ABCC1: variants seen among roughly 807,000 people sequenced by gnomAD.
ABCC1 encodes multidrug resistance-associated protein 1.
Under a neutral mutation model 172.9 loss-of-function variants are expected in ABCC1, and 83 were observed. The observed-to-expected ratio is 0.48, with a 90% confidence interval of 0.40 to 0.58. The LOEUF is 0.58. ABCC1 is among the 20% of genes least tolerant of loss of function. ABCC1 has a pLI of 0.00. For missense variants in ABCC1, 1,817 were observed against 2,002.7 expected (o/e 0.91, Z 1.77); for synonymous variants, 937 against 825.2 (o/e 1.14, Z -2.32).
intron 1 of ABCC1, among the ~76,000 whole-genome samples, chr16:15,958,758 A>C (rs144604036): frequency 1.3e-5 from 2 of 152,290 alleles, no homozygotes; most frequent in African/African-American, 4.8e-5. Flanking sequence ...GGGGACCTGC[A>C]CTTACCTCTT....
chr16:16,066,401 G>C (rs1257510228), intron 12 of ABCC1, among the ~76,000 whole-genome samples: 1 of 151,442 alleles, frequency 6.6e-6, no homozygotes, highest in Non-Finnish European at 1.5e-5. Context: ...GGCTGGTCTG[G>C]AACTCCCGAC....
At chr16:16,105,376 C>G (rs2052034610) in intron 20 of ABCC1, 1 of 152,358 alleles carries the variant, frequency 6.6e-6, no homozygotes, top group Non-Finnish European at 1.5e-5. Context: ...CTGCCACTCC[C>G]TGAAAACTCA....
intron 1 of ABCC1, among the ~76,000 whole-genome samples, chr16:15,977,540 C>A (rs1179275166): frequency 6.6e-6 from 1 of 151,808 alleles, no homozygotes; most frequent in African/African-American, 2.4e-5. Context: ...CCAGCTTATA[C>A]CCCCTAAGCT....
intron 23 of ABCC1, among the ~76,000 whole-genome samples, chr16:16,116,937 A>G (rs76619661): frequency 0.026 from 3,983 of 152,216 alleles, 182 homozygotes; most frequent in African/African-American, 0.089. Flanking sequence ...GATAACCGAT[A>G]TGGCTATTAA....
At chr16:15,991,468 G>A (rs1350659652) in intron 1 of ABCC1, among the ~76,000 whole-genome samples, 1 of 152,170 alleles carries the variant, frequency 6.6e-6, no homozygotes, top group Admixed American at 6.5e-5. Context: ...TCAGGGTTGA[G>A]TGAAGTTCCG....
chr16:16,079,914 A>G (rs977685723), intron 16 of ABCC1, among the ~76,000 whole-genome samples: 13 of 151,806 alleles, frequency 8.6e-5, no homozygotes, highest in African/African-American at 3.1e-4. Context: ...CCTGGGTCCA[A>G]GCGATTCTCC....
chr16:15,991,478 G>T lies in ABCC1; in HGVS notation c.49-16338G>T, dbSNP rs45517534. On this transcript the variant is annotated intron_variant, in intron 1 of 30. Transcript: ENST00000399410. The stretch of plus-strand genomic sequence containing the variant: ...CGAGCTCAGGGTTGAGTGAAGTTCC[G>T]CAAGGATGGCACCTCTCGGCTCTTC... 5.1e-3 allele frequency among the ~76,000 whole-genome samples: 783 copies of T among 152,224 alleles called. 5 individuals are homozygous for T. The highest frequency in any genetic ancestry group is 6.8e-3 in the Non-Finnish European group (465 of 68,018).
At chr16:16,127,387 A>G (rs1299117032) in intron 26 of ABCC1, among the ~76,000 whole-genome samples, 1 of 152,076 alleles carries the variant, frequency 6.6e-6, no homozygotes, top group African/African-American at 2.4e-5. Flanking sequence ...TTGTATTTTT[A>G]GTAGAGACGG....
intron 20 of ABCC1, chr16:16,105,513 G>C (rs954278597): frequency 3.9e-5 from 6 of 152,288 alleles, no homozygotes; most frequent in Non-Finnish European, 7.3e-5. Flanking sequence ...GGAGGTGGTG[G>C]AGGTTTATTC....
chr16:16,036,738 T>C lies in ABCC1; in HGVS notation c.809+135T>C. 5 of 910,140 alleles carry C rather than the reference T, an allele frequency of 5.5e-6. No homozygotes were observed. The South Asian group carries it at 8.4e-5, about 15-fold the overall frequency. The allele number at this position is 910,140 out of a possible 1,614,324, so 56.4% of individuals were successfully genotyped here. A position where few individuals can be genotyped will look rare whatever the true frequency, so the allele number is the denominator to read the frequency against. Reference sequence around the variant, plus strand: ...GGTTCTGGGCAAGATGCCTCACTTCTCCTCCTGGCCTCAGTTTGCTTTTCT... The same window carrying C: ...GGTTCTGGGCAAGATGCCTCACTTCCCCTCCTGGCCTCAGTTTGCTTTTCT... On this transcript the variant is annotated intron_variant, in intron 7 of 30. Transcript: ENST00000399410.
Position 16,134,514 on chromosome 16 carries a change from G to A in ABCC1, c.4125+6G>A, listed in dbSNP as rs1484525147. ...AGATCACCATCATCCCCCAGGTGGG[G>A]TCTGGGTGTGGCCCAGGGGGTGAGC... On this transcript the variant is annotated splice_donor_region_variant and intron_variant, in intron 28 of 30. Coordinates refer to ENST00000399410, the MANE Select transcript of ABCC1 (RefSeq NM_004996.4). 6.2e-7 allele frequency: 1 copy of A among 1,614,024 alleles called. No individual in the cohort carries two copies.
chr16:16,056,280 C>T lies in ABCC1; in HGVS notation c.1662C>T (p.Val554=), dbSNP rs770366812. The T allele has an allele frequency of 1.2e-6, 2 of 1,614,208 alleles. No individual in the cohort carries two copies. The highest frequency in any genetic ancestry group is 8.5e-7 in the Non-Finnish European group (1 of 1,180,044). ...YLSAVGTFTW[V]CTPFLVALCT... ...CAGCCGTGGGCACCTTCACCTGGGTCTGCACGCCCTTTCTGGTGAGTGAAG... is the reference window on the plus strand; with the variant it reads ...CAGCCGTGGGCACCTTCACCTGGGTTTGCACGCCCTTTCTGGTGAGTGAAG... The change falls in exon 12 of 31, where the codon GTC becomes GTT. Residue 554 remains valine, a synonymous_variant. Coordinates refer to ENST00000399410, the MANE Select transcript of ABCC1 (RefSeq NM_004996.4).
Position 15,969,871 on chromosome 16 carries a change from G to A in ABCC1, c.48+20072G>A, listed in dbSNP as rs575992823. Among the ~76,000 whole-genome samples, 9 of 152,188 alleles carry A rather than the reference G, an allele frequency of 5.9e-5. No homozygotes were observed. The East Asian group carries it at 7.7e-4, about 13-fold the overall frequency. On this transcript the variant is annotated intron_variant, in intron 1 of 30. Coordinates refer to ENST00000399410, the MANE Select transcript of ABCC1 (RefSeq NM_004996.4). ...TGACAGTCTCTGAGGGTCCTGCATA[G>A]CCCTTACCTGGGCTCCATGCTGGGA...
intron 1 of ABCC1, among the ~76,000 whole-genome samples, chr16:15,975,896 A>G (rs534838915): frequency 1.8e-4 from 28 of 152,234 alleles, no homozygotes; most frequent in African/African-American, 6.7e-4. Flanking sequence ...AGCATGTCCT[A>G]TATGCATCAG....
chr16:15,952,195 C>G (rs1054713465), intron 1 of ABCC1, among the ~76,000 whole-genome samples: 1 of 152,210 alleles, frequency 6.6e-6, no homozygotes, highest in Non-Finnish European at 1.5e-5. Flanking sequence ...AGTGGCTCAG[C>G]TTGTGCCCTG....
intron 5 of ABCC1, among the ~76,000 whole-genome samples, chr16:16,021,550 CTACT>C (rs749682040): frequency 5.3e-5 from 8 of 152,138 alleles, no homozygotes; most frequent in Non-Finnish European, 1.0e-4. Context: ...AATCCCATCT[CTACT>C]AAAAATACAA....
chr16:16,045,892 A>G lies in ABCC1; in HGVS notation c.1097A>G (p.Tyr366Cys), dbSNP rs747679446. 7.4e-6 allele frequency: 12 copies of G among 1,614,012 alleles called. No individual in the cohort carries two copies. Among genetic ancestry groups the G allele is most frequent in the African/African-American group, 2.7e-5 (2 of 74,912 alleles). ...TKAPDWQGYF[Y>C]TVLLFVTACL... ...GCCCCAGACTGGCAGGGCTACTTCT[A>G]CACCGTGCTGCTGTTTGTCACTGCC... The change falls in exon 9 of 31, where the codon TAC (tyrosine) becomes TGC (cysteine). Residue 366 changes from tyrosine (Y) to cysteine (C), a missense_variant. Tyr to Cys is a radical substitution (Grantham distance 194, BLOSUM62 -2). Around this residue, in one of 3 missense-constraint regions of ABCC1, gnomAD observed 1,412 missense variants for 1,600.3 expected, o/e 0.88. Transcript: ENST00000399410.
At position 16,068,317 on chromosome 16, in the gene ABCC1, T is replaced by TG; in HGVS notation, c.1824+19dup. The TG allele has an allele frequency of 6.2e-7, 1 of 1,613,158 alleles. No individual in the cohort carries two copies. The highest frequency in any genetic ancestry group is 8.5e-7 in the Non-Finnish European group (1 of 1,179,560). On this transcript the variant is annotated intron_variant, in intron 13 of 30. Transcript: ENST00000399410. Reference sequence around the variant, plus strand: ...GCATCGTGCAGGTACAGGGGGAAGCTGGGGCGACTTCCGAGAGGGGGCCTT... The same window carrying TG: ...GCATCGTGCAGGTACAGGGGGAAGCTGGGGGCGACTTCCGAGAGGGGGCCTT...
chr16:16,094,388 A>G lies in ABCC1; in HGVS notation c.2644+3800A>G, dbSNP rs182585238. On this transcript the variant is annotated intron_variant, in intron 19 of 30. Coordinates refer to ENST00000399410, the MANE Select transcript of ABCC1 (RefSeq NM_004996.4). ...CCCACTTCTTGGCCTGGGTACATCT[A>G]CCAACTCCACCATTATAATGTCAGA... 801 of 218,692 alleles carry G rather than the reference A, an allele frequency of 3.7e-3. 13 individuals carry two copies. Among genetic ancestry groups the G allele is most frequent in the African/African-American group, 0.018 (760 of 43,070 alleles). 13.5% of individuals were successfully genotyped at this position (218,692 alleles called of 1,614,324 possible). A position where few individuals can be genotyped will look rare whatever the true frequency, so the allele number is the denominator to read the frequency against.
Sources: gnomAD v4.1 joint callset for allele counts (sites outside exome capture counted in the v4.1 genomes callset) on GRCh38, gnomAD v4.1.1 for gene constraint, gnomAD v4.1.1 regional missense constraint, MANE v1.5 for transcripts, NCBI Gene and HGNC (gene_info 2026-07-23, HGNC 2026-07-21) for gene names.